Variants in SLC18A2 observed in about 807,000 individuals in gnomAD.
SLC18A2 encodes the protein synaptic vesicular amine transporter.
In SLC18A2, 33 loss-of-function variants were observed where a neutral mutation model predicts 59.2. That is an observed-to-expected ratio of 0.56 (90% CI 0.42 to 0.75). The LOEUF (loss-of-function observed/expected upper bound fraction) is 0.75. SLC18A2 is among the 30% of genes least tolerant of loss of function. The pLI, the probability that SLC18A2 is intolerant of heterozygous loss-of-function variation, is 0.00. For missense variants in SLC18A2, 569 were observed against 668.6 expected (o/e 0.85, Z 1.64); for synonymous variants, 228 against 253.5 (o/e 0.90, Z 0.95).
intron 10 of SLC18A2, among the ~76,000 whole-genome samples, chr10:117,259,413 A>G (rs1844267410): frequency 6.6e-6 from 1 of 152,010 alleles, no homozygotes; most frequent in African/African-American, 2.4e-5. Context: ...TTCCTTCCCC[A>G]TCACCCCAGC....
chr10:117,258,394 G>A (rs192531126), intron 10 of SLC18A2, among the ~76,000 whole-genome samples: 4 of 152,222 alleles, frequency 2.6e-5, no homozygotes, highest in Non-Finnish European at 4.4e-5. Flanking sequence ...ACAGTTCTAT[G>A]TCTTTTTCTA....
chr10:117,256,143 C>A lies in SLC18A2; in HGVS notation c.895+486C>A, dbSNP rs76978184. 2.8e-3 allele frequency among the ~76,000 whole-genome samples: 426 copies of A among 152,320 alleles called. 6 individuals carry two copies. The East Asian group carries it at 0.041, about 15-fold the overall frequency. On this transcript the variant is annotated intron_variant, in intron 9 of 15. Transcript: ENST00000644641. ...CCCTTCTTGCAGAGAGCATCCCTGC[C>A]GAGCAGCAGGGAGGCCGTTCAAACA...
Position 117,269,079 on chromosome 10 carries a change from A to T in SLC18A2, c.1187-992A>T, listed in dbSNP as rs973500872. On this transcript the variant is annotated intron_variant, in intron 13 of 15. Coordinates refer to ENST00000644641, the MANE Select transcript of SLC18A2 (RefSeq NM_003054.6). The surrounding 1 kb of genome is among the most constrained non-coding windows in gnomAD (Gnocchi z 5.1). ...CACATAAACACATACACATACACAA[A>T]TATACATACACACATATGCATACAT... Among the ~76,000 whole-genome samples, 7 of 151,852 alleles carry T rather than the reference A, an allele frequency of 4.6e-5. No homozygotes were observed. Among genetic ancestry groups the T allele is most frequent in the Non-Finnish European group, 1.5e-5 (1 of 67,928 alleles).
chr10:117,253,546 G>T, intron 4 of SLC18A2, 89 bp downstream of exon 4: 1 of 418,022 alleles, frequency 2.4e-6, no homozygotes, highest in Admixed American at 3.0e-5. Context: ...TACAACCTAA[G>T]GACGGCGGGG....
In SLC18A2 at chr10:117,257,893, G is replaced by A; in HGVS notation, c.991+1G>A. On this transcript the variant is annotated splice_donor_variant, in intron 10 of 15. Coordinates refer to ENST00000644641, the MANE Select transcript of SLC18A2 (RefSeq NM_003054.6). LOFTEE classifies it high-confidence loss of function. ...ATGTGTTCCCGAAAGTGGCAGCTGG[G>A]TAAGGACTGGGGTGGGCTCTTCTGA... The A allele has an allele frequency of 6.2e-7, 1 of 1,606,998 alleles. No homozygotes were observed. The highest frequency in any genetic ancestry group is 8.5e-7 in the Non-Finnish European group (1 of 1,175,154).
At chr10:117,272,101 G>T (rs1844434532) in intron 15 of SLC18A2, among the ~76,000 whole-genome samples, 1 of 152,134 alleles carries the variant, frequency 6.6e-6, no homozygotes, top group South Asian at 2.1e-4. Flanking sequence ...CTGTTGCATG[G>T]AGAAATGATA....
chr10:117,269,308 C>T lies in SLC18A2; in HGVS notation c.1187-763C>T, dbSNP rs1444208680. On this transcript the variant is annotated intron_variant, in intron 13 of 15. Coordinates refer to ENST00000644641, the MANE Select transcript of SLC18A2 (RefSeq NM_003054.6). The surrounding 1 kb of genome is among the most constrained non-coding windows in gnomAD (Gnocchi z 5.1). ...ACACACATATATACACATACATACA[C>T]AGATACATATATACATATACATAAT... Among the ~76,000 whole-genome samples the T allele has an allele frequency of 6.8e-6, 1 of 146,046 alleles. No homozygotes were observed. The highest frequency in any genetic ancestry group is 2.6e-5 in the African/African-American group (1 of 39,038).
In SLC18A2 at chr10:117,244,059, C is replaced by T. The variant is rs777378281; in HGVS notation, c.210C>T (p.Ser70=). Residue 70 remains serine (S), a synonymous_variant, in exon 3 of 16, where the codon TCC becomes TCT. Transcript: ENST00000644641. ...IQTARPVHTA[S]ISDSFQSIFS... Reference sequence around the variant, plus strand: ...CGGCCAGGCCAGTGCACACTGCCTCCATCTCAGACAGCTTCCAGAGCATCT... The same window carrying T: ...CGGCCAGGCCAGTGCACACTGCCTCTATCTCAGACAGCTTCCAGAGCATCT... 11 of 1,614,156 alleles carry T rather than the reference C, an allele frequency of 6.8e-6. No individual in the cohort carries two copies. Among genetic ancestry groups the T allele is most frequent in the Middle Eastern group, 1.7e-4 (1 of 6,060 alleles).
chr10:117,269,935 C>A lies in SLC18A2; in HGVS notation c.1187-136C>A. Reference sequence around the variant, plus strand: ...TCTTTCTACTCAAAGATTAGTATCACCCCAAGACTTGCAGGTGGTGATGAC... The same window carrying A: ...TCTTTCTACTCAAAGATTAGTATCAACCCAAGACTTGCAGGTGGTGATGAC... On this transcript the variant is annotated intron_variant, in intron 13 of 15. Transcript: ENST00000644641. The surrounding 1 kb of genome is among the most constrained non-coding windows in gnomAD (Gnocchi z 5.1). The A allele has an allele frequency of 9.6e-7, 1 of 1,037,068 alleles. No individual in the cohort carries two copies. 64.2% of individuals were successfully genotyped at this position (1,037,068 alleles called of 1,614,324 possible). A position where few individuals can be genotyped will look rare whatever the true frequency, so the allele number is the denominator to read the frequency against.
rs1192532366 is a variant in SLC18A2, at chr10:117,255,651, G to A, written c.889G>A (p.Ala297Thr). 1.9e-6 allele frequency: 3 copies of A among 1,613,222 alleles called. No homozygotes were observed. Among genetic ancestry groups the A allele is most frequent in the Non-Finnish European group, 2.5e-6 (3 of 1,179,958 alleles). ...TLLKDPYILI[A>T]AGSICFANMG... ...GCTGAAGGACCCGTACATCCTCATTGCTGCAGGTGGGGCTCTGTGGGTCTT... is the reference window on the plus strand; with the variant it reads ...GCTGAAGGACCCGTACATCCTCATTACTGCAGGTGGGGCTCTGTGGGTCTT... The change falls in exon 9 of 16, where the codon GCT becomes ACT. Residue 297 changes from alanine (A) to threonine (T), a missense_variant. Ala to Thr is a moderately conservative substitution (Grantham distance 58). This residue lies in a region of SLC18A2 where 377 missense variants were observed against 389.8 expected (regional missense o/e 0.97). Coordinates refer to ENST00000644641, the MANE Select transcript of SLC18A2 (RefSeq NM_003054.6).
Position 117,255,657 on chromosome 10 carries a change from G to T in SLC18A2, c.895G>T (p.Gly299Cys). The T allele has an allele frequency of 6.2e-7, 1 of 1,613,068 alleles. No homozygotes were observed. The highest frequency in any genetic ancestry group is 8.5e-7 in the Non-Finnish European group (1 of 1,179,900). Residue 299 changes from glycine (G) to cysteine (C), a missense_variant and splice_region_variant, in exon 9 of 16, where the codon GGC becomes TGC. Coordinates refer to ENST00000644641, the MANE Select transcript of SLC18A2 (RefSeq NM_003054.6). The stretch of plus-strand genomic sequence containing the variant: ...GGACCCGTACATCCTCATTGCTGCA[G>T]GTGGGGCTCTGTGGGTCTTCTGAGT... Reference protein sequence around the residue: ...LKDPYILIAAGSICFANMGIA... With the variant: ...LKDPYILIAACSICFANMGIA...
Position 117,278,315 on chromosome 10 carries a change from T to A in SLC18A2, c.*1049T>A, listed in dbSNP as rs1206546009. The A allele has an allele frequency of 1.3e-5, 2 of 152,164 alleles. No homozygotes were observed. Among genetic ancestry groups the A allele is most frequent in the African/African-American group, 4.8e-5 (2 of 41,424 alleles). The allele number at this position is 152,164 out of a possible 1,614,324, so 9.4% of individuals were successfully genotyped here. A position where few individuals can be genotyped will look rare whatever the true frequency, so the allele number is the denominator to read the frequency against. ...CATCAATGTGAAGACAAATTTTAAATGAAAATGAAGAATGAAATTATGTCT... is the reference window on the plus strand; with the variant it reads ...CATCAATGTGAAGACAAATTTTAAAAGAAAATGAAGAATGAAATTATGTCT... On this transcript the variant is annotated 3_prime_UTR_variant, in exon 16 of 16. Coordinates refer to ENST00000644641, the MANE Select transcript of SLC18A2 (RefSeq NM_003054.6).
chr10:117,251,167 T>C (rs1844158112), intron 3 of SLC18A2, among the ~76,000 whole-genome samples: 2 of 152,158 alleles, frequency 1.3e-5, no homozygotes, highest in Non-Finnish European at 2.9e-5. Flanking sequence ...CTTCAACAAC[T>C]AGATTTTCCA....
At chr10:117,242,668 G>A (rs1025059128) in intron 2 of SLC18A2, among the ~76,000 whole-genome samples, 27 of 152,268 alleles carry the variant, frequency 1.8e-4, no homozygotes, top group African/African-American at 6.3e-4. Flanking sequence ...GGACACATGT[G>A]CTCACAGCTT....
intron 3 of SLC18A2, among the ~76,000 whole-genome samples, chr10:117,247,860 C>T (rs979322327): frequency 2.6e-5 from 4 of 152,194 alleles, no homozygotes; most frequent in South Asian, 2.1e-4. Flanking sequence ...CACTCTGAAT[C>T]GAGACATTCT....
intron 10 of SLC18A2, among the ~76,000 whole-genome samples, chr10:117,260,471 T>C (rs1844282826): frequency 6.8e-6 from 1 of 147,432 alleles, no homozygotes; most frequent in South Asian, 2.2e-4. Flanking sequence ...CCTCTCCCAC[T>C]CTGTTTGTCC....
At chr10:117,241,923 G>A in intron 2 of SLC18A2, 109 bp downstream of exon 2, 1 of 1,150,372 alleles carries the variant, frequency 8.7e-7, no homozygotes. Context: ...GCCCGGGAAA[G>A]TTGGAGAACT....
intron 10 of SLC18A2, among the ~76,000 whole-genome samples, chr10:117,259,745 C>T (rs548096727): frequency 6.6e-5 from 10 of 152,236 alleles, no homozygotes; most frequent in South Asian, 2.1e-4. Context: ...TGTAGGAGCC[C>T]GAGGGACCTT....
chr10:117,249,124 T>C (rs1844136674), intron 3 of SLC18A2, among the ~76,000 whole-genome samples: 1 of 152,204 alleles, frequency 6.6e-6, no homozygotes, highest in Non-Finnish European at 1.5e-5. Context: ...GAACAAGCAG[T>C]GACCTTTTCA....
Sources: gnomAD v4.1 joint callset for allele counts (sites outside exome capture counted in the v4.1 genomes callset) on GRCh38, gnomAD v4.1.1 for gene constraint, gnomAD v4.1.1 regional missense constraint, Gnocchi (gnomAD v3.1) non-coding constraint, MANE v1.5 for transcripts, NCBI Gene and HGNC (gene_info 2026-07-23, HGNC 2026-07-21) for gene names.